The following ANO5 variants were observed in gnomAD, a reference collection of about 807,000 sequenced individuals.
The protein encoded by ANO5 is anoctamin-5.
In ANO5, 109 loss-of-function variants were observed where a neutral mutation model predicts 121.0. The ratio of observed to expected loss-of-function variants is 0.90; its 90% CI spans 0.77 to 1.06. The LOEUF (loss-of-function observed/expected upper bound fraction) is 1.06, where lower values mean the gene tolerates loss of function less well. Among genes scored for constraint, ANO5 ranks in the 50% least tolerant of loss-of-function variants. The pLI is 0.00. For synonymous variants in ANO5, 406 were observed against 359.9 expected, an observed-to-expected ratio of 1.13 and a Z score of -1.45; for missense variants, 1,064 against 1,078.5, an observed-to-expected ratio of 0.99 and a Z score of 0.19.
intron 16 of ANO5, 127 bp downstream of exon 16, chr11:22,262,425 C>G: frequency 3.1e-6 from 3 of 969,796 alleles, no homozygotes; most frequent in Non-Finnish European, 4.6e-6. Context: ...ACTCTATCCA[C>G]AGAGAGTATT....
At position 22,227,405 on chromosome 11, in the gene ANO5, G is replaced by A; in HGVS notation, c.467G>A (p.Ser156Asn). 1 of 1,613,528 alleles carries A rather than the reference G, an allele frequency of 6.2e-7. No individual in the cohort carries two copies. Among genetic ancestry groups the A allele is most frequent in the Non-Finnish European group, 8.5e-7 (1 of 1,179,764 alleles). Residue 156 changes from serine (S) to asparagine (N), a missense_variant, in exon 7 of 22, where the codon AGT becomes AAT. By Grantham distance (46) the Ser-to-Asn change is conservative (BLOSUM62 1). Transcript: ENST00000324559. ...VLGIKMPIKESDIPRPKHTPI... is the reference protein window; with the variant it reads ...VLGIKMPIKENDIPRPKHTPI... Reference sequence around the variant, plus strand: ...GGAATCAAAATGCCTATTAAGGAGAGTGATATTCCCCGCCCTAAGCACACT... The same window carrying A: ...GGAATCAAAATGCCTATTAAGGAGAATGATATTCCCCGCCCTAAGCACACT...
At chr11:22,228,967 C>A (rs1370445496) in intron 7 of ANO5, among the ~76,000 whole-genome samples, 2 of 151,934 alleles carry the variant, frequency 1.3e-5, no homozygotes, top group East Asian at 3.9e-4. Flanking sequence ...CTTAGACATA[C>A]TGATTTCATT....
At chr11:22,197,079 T>G (rs531926056) in intron 1 of ANO5, among the ~76,000 whole-genome samples, 13 of 152,288 alleles carry the variant, frequency 8.5e-5, no homozygotes, top group Middle Eastern at 3.4e-3. Context: ...TAAATCACCT[T>G]TAAATACTGA....
chr11:22,256,006 T>C (rs1853990300), intron 13 of ANO5, among the ~76,000 whole-genome samples: 5 of 152,210 alleles, frequency 3.3e-5, no homozygotes, highest in Non-Finnish European at 1.5e-5. Context: ...TGAGGTCTTA[T>C]GTTTTATTAG....
rs1233399626 is a variant in ANO5, at chr11:22,239,672, T to C, written c.866T>C (p.Leu289Ser). The C allele has an allele frequency of 6.2e-7, 1 of 1,601,442 alleles. No individual in the cohort carries two copies. Among genetic ancestry groups the C allele is most frequent in the Non-Finnish European group, 8.6e-7 (1 of 1,168,824 alleles). The part of the protein sequence containing the change: ...RFSYFYKEQP[L>S]DLIKNYYGEK... ...TCCTATTTCTACAAGGAGCAGCCTT[T>C]AGACTTGATTAAGTAAGTTTCATAC... The change falls in exon 9 of 22, where the codon TTA (leucine) becomes TCA (serine). Residue 289 changes from leucine (L) to serine (S), a missense_variant. Transcript: ENST00000324559.
At chr11:22,200,524 T>C (rs1171341926) in intron 1 of ANO5, among the ~76,000 whole-genome samples, 2 of 152,188 alleles carry the variant, frequency 1.3e-5, no homozygotes, top group Non-Finnish European at 2.9e-5. Flanking sequence ...TCATAAGCTT[T>C]ACTGTTTATC....
chr11:22,274,471 A>C (rs1854753915), intron 19 of ANO5, 98 bp from the exon 20 acceptor site: 1 of 1,108,908 alleles, frequency 9.0e-7, no homozygotes, highest in African/African-American at 1.6e-5. Context: ...ATCATTTTGC[A>C]TCTATATAAT....
intron 2 of ANO5, among the ~76,000 whole-genome samples, chr11:22,210,065 C>G (rs1434096735): frequency 6.6e-6 from 1 of 151,912 alleles, no homozygotes; most frequent in Non-Finnish European, 1.5e-5. Flanking sequence ...TTTAGACGAG[C>G]TAGTGGAATT....
At chr11:22,222,613 TC>T (rs1183419997) in intron 5 of ANO5, among the ~76,000 whole-genome samples, 1 of 151,954 alleles carries the variant, frequency 6.6e-6, no homozygotes, top group Non-Finnish European at 1.5e-5. Context: ...CACTCTTTAT[TC>T]AGCTTATGTC....
chr11:22,210,468 A>C (rs1445877014), intron 2 of ANO5, among the ~76,000 whole-genome samples: 1 of 151,858 alleles, frequency 6.6e-6, no homozygotes, highest in Non-Finnish European at 1.5e-5. Context: ...TGAGATACTG[A>C]TTGTGATTTT....
chr11:22,232,882 T>C (rs1270025710), intron 7 of ANO5, among the ~76,000 whole-genome samples: 4 of 152,030 alleles, frequency 2.6e-5, no homozygotes, highest in South Asian at 2.1e-4. Context: ...TGTTGAACTT[T>C]CTCTGAGTTC....
intron 5 of ANO5, among the ~76,000 whole-genome samples, 179 bp from the exon 6 acceptor site, chr11:22,225,805 G>A (rs542866105): frequency 6.6e-6 from 1 of 152,134 alleles, no homozygotes; most frequent in Non-Finnish European, 1.5e-5. Context: ...TTTTGTAGTT[G>A]TGAATTATAG....
At position 22,281,806 on chromosome 11, in the gene ANO5, A is replaced by T. The variant is rs996551366; in HGVS notation, c.*2041A>T. ...AGTTTTAAAATATACCAACTAAATT[A>T]TTGGGTTTCTGGAAGTGAATGGAGA... On this transcript the variant is annotated 3_prime_UTR_variant, in exon 22 of 22. Transcript: ENST00000324559. 6.6e-6 allele frequency: 1 copy of T among 152,132 alleles called. No homozygotes were observed. Among genetic ancestry groups the T allele is most frequent in the African/African-American group, 2.4e-5 (1 of 41,458 alleles). The allele number at this position is 152,132 out of a possible 1,614,324, so 9.4% of individuals were successfully genotyped here.
chr11:22,204,403 A>G (rs1400151322), intron 2 of ANO5, among the ~76,000 whole-genome samples: 1 of 152,164 alleles, frequency 6.6e-6, no homozygotes, highest in Non-Finnish European at 1.5e-5. Context: ...AGGCATTTCA[A>G]TGAAATCATT....
At chr11:22,254,529 C>T (rs1247450290) in intron 12 of ANO5, among the ~76,000 whole-genome samples, 1 of 150,924 alleles carries the variant, frequency 6.6e-6, no homozygotes, top group Non-Finnish European at 1.5e-5. Flanking sequence ...ACCGTAGAGT[C>T]GAACACTATG....
At chr11:22,201,981 G>T (rs903848743) in intron 1 of ANO5, among the ~76,000 whole-genome samples, 1 of 151,976 alleles carries the variant, frequency 6.6e-6, no homozygotes, top group African/African-American at 2.4e-5. Context: ...ACTGAAAGAA[G>T]GTATAAGGAT....
intron 8 of ANO5, among the ~76,000 whole-genome samples, chr11:22,238,322 T>G (rs537249874): frequency 6.6e-6 from 1 of 151,660 alleles, no homozygotes; most frequent in African/African-American, 2.4e-5. Flanking sequence ...TAAAATTAAT[T>G]TTTAGGGCAT....
intron 1 of ANO5, among the ~76,000 whole-genome samples, chr11:22,197,334 A>T (rs1481294838): frequency 2.9e-5 from 4 of 140,062 alleles, no homozygotes; most frequent in Non-Finnish European, 6.1e-5. Flanking sequence ...GTAAAATGTC[A>T]TTGCTGGAAT....
chr11:22,220,946 G>T, intron 4 of ANO5, 151 bp from the exon 5 acceptor site: 3 of 626,422 alleles, frequency 4.8e-6, no homozygotes, highest in Non-Finnish European at 5.6e-6. Flanking sequence ...CTTTTATATG[G>T]AATTTCACTT....
Sources: gnomAD v4.1 joint callset for allele counts (sites outside exome capture counted in the v4.1 genomes callset) on GRCh38, gnomAD v4.1.1 for gene constraint, MANE v1.5 for transcripts, NCBI Gene and HGNC (gene_info 2026-07-23, HGNC 2026-07-21) for gene names.